SPTA1: variants seen among roughly 807,000 people sequenced by gnomAD.
SPTA1 encodes spectrin alpha chain, erythrocytic 1.
A neutral mutation model predicts 324.7 loss-of-function variants in SPTA1; 177 were observed. The observed-to-expected ratio is 0.55, with a 90% CI of 0.48 to 0.62. SPTA1 has a LOEUF of 0.62. SPTA1 is among the 20% of genes least tolerant of loss of function. The pLI is 0.00. For synonymous variants in SPTA1, 1,195 were observed against 1,041.3 expected, an observed-to-expected ratio of 1.15 and a Z score of -2.84; for missense variants, 3,162 against 2,883.6, an observed-to-expected ratio of 1.10 and a Z score of -2.21.
At chr1:158,652,374 A>G in intron 23 of SPTA1, 93 bp downstream of exon 23, 1 of 1,421,600 alleles carries the variant, frequency 7.0e-7, no homozygotes, top group Non-Finnish European at 9.9e-7. Context: ...AGAATATTTA[A>G]CAAGTGTGAA....
intron 48 of SPTA1, 102 bp from the exon 49 acceptor site, chr1:158,614,408 C>A: frequency 1.2e-6 from 1 of 846,942 alleles, no homozygotes; most frequent in Non-Finnish European, 1.9e-6. Context: ...GGACAATTTG[C>A]TATTTGAGTC....
In SPTA1 at chr1:158,685,336, G is replaced by A. The variant is rs776887942; in HGVS notation, c.36C>T (p.Ser12=). The change falls in exon 2 of 52, where the codon AGC becomes AGT. Residue 12 remains serine, a synonymous_variant. Transcript: ENST00000643759. Reference sequence around the variant, plus strand: ...CTGTTTCCAAAACCTTTGGCCCACTGCTCTCCACAACCTGCAAGTTAAAAA... The same window carrying A: ...CTGTTTCCAAAACCTTTGGCCCACTACTCTCCACAACCTGCAAGTTAAAAA... ...EQFPKETVVE[S]SGPKVLETAE... 6.2e-7 allele frequency: 1 copy of A among 1,613,242 alleles called. No homozygotes were observed. The highest frequency in any genetic ancestry group is 8.5e-7 in the Non-Finnish European group (1 of 1,179,780).
rs746827368 is a variant in SPTA1 at position 158,680,710 on chromosome 1, A to G, written c.551T>C (p.Val184Ala). The change falls in exon 5 of 52, where the codon GTG (valine) becomes GCG (alanine). Residue 184 changes from valine (V) to alanine (A), a missense_variant. Transcript: ENST00000643759. ...IGDKEAIATS[V>A]ELGEDWERTE... The stretch of plus-strand genomic sequence containing the variant: ...GCGCTCCCAGTCTTCACCTAGCTCC[A>G]CTGATGTCGCTATAGCCTCCTGTAG... 2 of 1,613,752 alleles carry G rather than the reference A, an allele frequency of 1.2e-6. No homozygotes were observed. The highest frequency in any genetic ancestry group is 1.7e-4 in the Middle Eastern group (1 of 6,054).
In SPTA1 at chr1:158,623,114, A is replaced by G. The variant is rs1650027547; in HGVS notation, c.5989T>C (p.Ser1997Pro). ...EITDLKDKLI[S>P]AQHNQSKAIE... ...GCTTTAGACTGGTTGTGTTGAGCAG[A>G]AATCAGTTTGTCCTTCAGGTCAGTG... Residue 1997 changes from serine to proline, a missense_variant, in exon 43 of 52, where the codon TCT becomes CCT. Coordinates refer to ENST00000643759, the MANE Select transcript of SPTA1 (RefSeq NM_003126.4). The G allele has an allele frequency of 6.2e-7, 1 of 1,614,166 alleles. No individual in the cohort carries two copies. Among genetic ancestry groups the G allele is most frequent in the African/African-American group, 1.3e-5 (1 of 75,046 alleles).
chr1:158,679,866 T>C (rs1384468874), intron 5 of SPTA1, among the ~76,000 whole-genome samples: 4 of 152,042 alleles, frequency 2.6e-5, no homozygotes, highest in Non-Finnish European at 5.9e-5. Flanking sequence ...GAAAGAAAAA[T>C]AGGAAAACAT....
intron 38 of SPTA1, among the ~76,000 whole-genome samples, chr1:158,635,655 G>A (rs892325532): frequency 6.6e-6 from 1 of 152,174 alleles, no homozygotes; most frequent in African/African-American, 2.4e-5. Context: ...GATAACACAT[G>A]TAGGAAAACA....
intron 35 of SPTA1, 31 bp from the exon 36 acceptor site, chr1:158,638,272 T>A (rs1248771885): frequency 1.9e-6 from 3 of 1,597,328 alleles, no homozygotes; most frequent in African/African-American, 2.7e-5. Flanking sequence ...CAGTGAATAG[T>A]ATAGTATAGG....
chr1:158,638,831 A>G (rs1651306763), intron 35 of SPTA1, among the ~76,000 whole-genome samples: 1 of 150,876 alleles, frequency 6.6e-6, no homozygotes, highest in Non-Finnish European at 1.5e-5. Context: ...TTTGATAGCC[A>G]CAGATTGATT....
Position 158,643,388 on chromosome 1 carries a change from C to A in SPTA1, c.4376G>T (p.Ser1459Ile). The A allele has an allele frequency of 6.2e-7, 1 of 1,613,822 alleles. No homozygotes were observed. Among genetic ancestry groups the A allele is most frequent in the Non-Finnish European group, 8.5e-7 (1 of 1,179,874 alleles). Reference sequence around the variant, plus strand: ...GGCATAGTGTTCATCAGCAATGAGGCTCTCAGCAAAATGTTCTAGGTCAGT... The same window carrying A: ...GGCATAGTGTTCATCAGCAATGAGGATCTCAGCAAAATGTTCTAGGTCAGT... ...KITDLEHFAE[S>I]LIADEHYAKE... Residue 1459 changes from serine (S) to isoleucine (I), a missense_variant, in exon 31 of 52, where the codon AGC (serine) becomes ATC (isoleucine). Physicochemically the swap from Ser to Ile is moderately radical, Grantham distance 142. Coordinates refer to ENST00000643759, the MANE Select transcript of SPTA1 (RefSeq NM_003126.4).
At chr1:158,632,112 C>G (rs1031819959) in intron 39 of SPTA1, among the ~76,000 whole-genome samples, 1 of 152,030 alleles carries the variant, frequency 6.6e-6, no homozygotes, top group African/African-American at 2.4e-5. Context: ...ACCATTTATT[C>G]TTAAAAAATA....
At chr1:158,679,331 A>G (rs1654629419) in intron 5 of SPTA1, among the ~76,000 whole-genome samples, 1 of 152,266 alleles carries the variant, frequency 6.6e-6, no homozygotes, top group South Asian at 2.1e-4. Context: ...GATAGATTGG[A>G]AAAAATCGCA....
rs6427441 is a variant in SPTA1, at chr1:158,669,256, C to T, written c.1833+152G>A. ...GATATTTAACTGTATAAATAGCCTTCAGGGATTCATTGCCCTTTTCTGAGC... is the reference window on the plus strand; with the variant it reads ...GATATTTAACTGTATAAATAGCCTTTAGGGATTCATTGCCCTTTTCTGAGC... On this transcript the variant is annotated intron_variant, in intron 14 of 51. Transcript: ENST00000643759. 2,194 of 1,067,594 alleles carry T rather than the reference C, an allele frequency of 2.1e-3. 30 individuals are homozygous for T. The African/African-American group carries it at 0.03, about 15-fold the overall frequency. 66.1% of individuals were successfully genotyped at this position (1,067,594 alleles called of 1,614,324 possible). A position where few individuals can be genotyped will look rare whatever the true frequency, so the allele number is the denominator to read the frequency against.
rs1381904338 is a variant in SPTA1, at chr1:158,686,529, G to A, written c.-12C>T. On this transcript the variant is annotated 5_prime_UTR_variant, in exon 1 of 52. Transcript: ENST00000643759. ...GGAAATTGCTCCATTTTTCCTAAAG[G>A]TTTAGAACCTGGCAAGATAAAATGT... 1 of 1,589,604 alleles carries A rather than the reference G, an allele frequency of 6.3e-7. No homozygotes were observed. Among genetic ancestry groups the A allele is most frequent in the Admixed American group, 1.7e-5 (1 of 59,130 alleles).
intron 45 of SPTA1, 32 bp downstream of exon 45, chr1:158,619,190 G>A: frequency 1.3e-6 from 2 of 1,591,020 alleles, no homozygotes; most frequent in East Asian, 2.2e-5. Flanking sequence ...TGGTGGCACA[G>A]GGGTCATGGT....
rs201479322 is a variant in SPTA1, at chr1:158,662,762, T to G, written c.2404A>C (p.Thr802Pro). The G allele has an allele frequency of 1.3e-5, 21 of 1,614,058 alleles. No homozygotes were observed. The highest frequency in any genetic ancestry group is 1.6e-5 in the Non-Finnish European group (19 of 1,179,974). Residue 802 changes from threonine to proline, a missense_variant, in exon 17 of 52, where the codon ACA (threonine) becomes CCA (proline). Physicochemically the swap from Thr to Pro is conservative, Grantham distance 38. Coordinates refer to ENST00000643759, the MANE Select transcript of SPTA1 (RefSeq NM_003126.4). ...LLHLQLICRD[T>P]EDEEAWIQET... ...TGGATCCAGGCCTCCTCATCCTCTG[T>G]GTCTCTACAAATCAGCTGCAGATGG...
chr1:158,676,817 G>A (rs1018563515), intron 7 of SPTA1, among the ~76,000 whole-genome samples: 1 of 152,090 alleles, frequency 6.6e-6, no homozygotes, highest in Admixed American at 6.6e-5. Flanking sequence ...GGATATGGGT[G>A]GGTTTTCACA....
At chr1:158,655,280 G>C (rs1207227537) in intron 20 of SPTA1, among the ~76,000 whole-genome samples, 2 of 149,242 alleles carry the variant, frequency 1.3e-5, no homozygotes, top group Non-Finnish European at 2.9e-5. Context: ...TAAAAACTGA[G>C]AACATTAACT....
At position 158,683,494 on chromosome 1, in the gene SPTA1, C is replaced by T. The variant is rs973802070; in HGVS notation, c.267G>A (p.Gly89=). Reference sequence around the variant, plus strand: ...CAAGGGATTGATGCTTCTGATATTTCCCCTAAAGTTTAGAAATCAGAGTTT... The same window carrying T: ...CAAGGGATTGATGCTTCTGATATTTTCCCTAAAGTTTAGAAATCAGAGTTT... The part of the protein sequence containing the change: ...KSYEDPTNIQ[G]KYQKHQSLEA... The change falls in exon 3 of 52, where the codon GGG becomes GGA. Residue 89 remains glycine (G), a splice_region_variant and synonymous_variant. Coordinates refer to ENST00000643759, the MANE Select transcript of SPTA1 (RefSeq NM_003126.4). The T allele has an allele frequency of 1.9e-6, 3 of 1,612,774 alleles. No individual in the cohort carries two copies. The highest frequency in any genetic ancestry group is 1.7e-6 in the Non-Finnish European group (2 of 1,179,282).
At position 158,623,017 on chromosome 1, in the gene SPTA1, T is replaced by C; in HGVS notation, c.6086A>G (p.Gln2029Arg). 6.2e-7 allele frequency: 1 copy of C among 1,614,244 alleles called. No individual in the cohort carries two copies. The change falls in exon 43 of 52, where the codon CAG (glutamine) becomes CGG (arginine). Residue 2029 changes from glutamine (Q) to arginine (R), a missense_variant. Physicochemically the swap from Gln to Arg is conservative, Grantham distance 43. Transcript: ENST00000643759. ...QLLEASAVHR[Q>R]KLLEKQLPLQ... is the part of the protein sequence containing the mutation. ...AGGCAGCTGTTTCTCCAGCAATTTC[T>C]GTCTGTGGACTGCCGAGGCTTCCAG...
Sources: allele counts gnomAD v4.1 joint callset (sites outside exome capture counted in the v4.1 genomes callset), GRCh38; gene constraint gnomAD v4.1.1; transcripts MANE v1.5; gene names NCBI Gene and HGNC (gene_info 2026-07-23, HGNC 2026-07-21).